Variants in PRKN observed in about 807,000 individuals in gnomAD.
PRKN encodes E3 ubiquitin-protein ligase parkin.
PRKN carries 56 observed loss-of-function variants against 59.5 expected under a neutral mutation model. The observed-to-expected ratio is 0.94, with a 90% CI of 0.76 to 1.18. PRKN has a LOEUF of 1.18. PRKN is among the 50% of genes most tolerant of loss of function. The pLI is 0.00. For synonymous variants in PRKN, 250 were observed against 222.1 expected, an observed-to-expected ratio of 1.13 and a Z score of -1.12; for missense variants, 657 against 596.4, an observed-to-expected ratio of 1.10 and a Z score of -1.06.
intron 9 of PRKN, among the ~76,000 whole-genome samples, chr6:161,404,705 T>C (rs1787186684): frequency 6.6e-6 from 1 of 152,228 alleles, no homozygotes; most frequent in Non-Finnish European, 1.5e-5. Context: ...ATGGTGTATA[T>C]CACTCCCTGC....
rs1184140724 is a variant in PRKN, at chr6:161,525,901, T to C, written c.1083+22953A>G. Among the ~76,000 whole-genome samples, 5 of 152,200 alleles carry C rather than the reference T, an allele frequency of 3.3e-5. No individual in the cohort carries two copies. Among genetic ancestry groups the C allele is most frequent in the Admixed American group, 1.3e-4 (2 of 15,268 alleles). On this transcript the variant is annotated intron_variant, in intron 9 of 11. Coordinates refer to ENST00000366898, the MANE Select transcript of PRKN (RefSeq NM_004562.3). This position sits in a 1 kb window ranked among gnomAD's most constrained non-coding sequence, Gnocchi z 4.7. The stretch of plus-strand genomic sequence containing the variant: ...CCAATAACTTAGATAATGTTATTAA[T>C]ATGGGTATCAAATATTTTAAATCTA...
intron 2 of PRKN, among the ~76,000 whole-genome samples, chr6:162,399,774 A>G (rs1787665323): frequency 6.6e-6 from 1 of 152,186 alleles, no homozygotes; most frequent in South Asian, 2.1e-4. Context: ...AGAGAAACTT[A>G]AGGAACAACT....
At position 161,569,307 on chromosome 6, in the gene PRKN, G is replaced by A. The variant is rs10945756; in HGVS notation, c.933+48C>T. 0.2 allele frequency: 306,582 copies of A among 1,543,984 alleles called. 33,146 individuals are homozygous for A. The highest frequency in any genetic ancestry group is 0.3 in the Middle Eastern group (1,801 of 5,926). On this transcript the variant is annotated intron_variant, in intron 8 of 11. Coordinates refer to ENST00000366898, the MANE Select transcript of PRKN (RefSeq NM_004562.3). ...GGGGAGCCCAAACTGTCTCATTAGCGTCTATCTTTCATGACAGTCTGATGC... is the reference window on the plus strand; with the variant it reads ...GGGGAGCCCAAACTGTCTCATTAGCATCTATCTTTCATGACAGTCTGATGC...
At chr6:161,773,147 A>G (rs1471247002) in intron 7 of PRKN, among the ~76,000 whole-genome samples, 1 of 152,194 alleles carries the variant, frequency 6.6e-6, no homozygotes, top group African/African-American at 2.4e-5. Context: ...ACATTGTGTG[A>G]TCCAGGTGGT....
chr6:162,410,332 T>C (rs1012879424), intron 2 of PRKN, among the ~76,000 whole-genome samples: 2 of 152,088 alleles, frequency 1.3e-5, no homozygotes, highest in Non-Finnish European at 2.9e-5. Flanking sequence ...CCCCATTGGA[T>C]AGTTTTCAAA....
At chr6:161,970,881 T>G (rs1780780482) in intron 6 of PRKN, among the ~76,000 whole-genome samples, 2 of 152,066 alleles carry the variant, frequency 1.3e-5, no homozygotes, top group Admixed American at 1.3e-4. Flanking sequence ...ATTTCTAAAT[T>G]TAAAAAGAAA....
chr6:161,761,977 G>T (rs758591541), intron 7 of PRKN, among the ~76,000 whole-genome samples: 4 of 152,206 alleles, frequency 2.6e-5, no homozygotes, highest in Admixed American at 2.6e-4. Context: ...GGTTGGTGGA[G>T]GACAGGACAT....
intron 6 of PRKN, among the ~76,000 whole-genome samples, chr6:161,940,183 A>C (rs1156417758): frequency 1.3e-5 from 2 of 152,194 alleles, no homozygotes; most frequent in East Asian, 3.8e-4. Flanking sequence ...GGCGTGAGCC[A>C]CCACACCTGG....
At chr6:161,434,822 T>C (rs1788806540) in intron 9 of PRKN, among the ~76,000 whole-genome samples, 1 of 152,166 alleles carries the variant, frequency 6.6e-6, no homozygotes, top group South Asian at 2.1e-4. Context: ...TTCAGTATCA[T>C]TTCTTTCTGT....
At position 161,551,549 on chromosome 6, in the gene PRKN, C is replaced by G. The variant is rs1321136816; in HGVS notation, c.934-2546G>C. Among the ~76,000 whole-genome samples, 2 of 152,156 alleles carry G rather than the reference C, an allele frequency of 1.3e-5. No homozygotes were observed. Among genetic ancestry groups the G allele is most frequent in the Non-Finnish European group, 2.9e-5 (2 of 68,032 alleles). On this transcript the variant is annotated intron_variant, in intron 8 of 11. Coordinates refer to ENST00000366898, the MANE Select transcript of PRKN (RefSeq NM_004562.3). The surrounding 1 kb of genome is among the most constrained non-coding windows in gnomAD (Gnocchi z 5.2). ...GCCAAGGGAACACATCTCAAGGAGG[C>G]TGCCATGATGAGCTGTGGTTGGAGC...
intron 2 of PRKN, among the ~76,000 whole-genome samples, chr6:162,402,086 C>T (rs1787824168): frequency 1.3e-5 from 2 of 151,696 alleles, no homozygotes; most frequent in Admixed American, 6.6e-5. Context: ...CCAGTCTCTA[C>T]CAAAAAACAA....
intron 1 of PRKN, among the ~76,000 whole-genome samples, chr6:162,608,410 G>A (rs1400494541): frequency 2.6e-5 from 4 of 152,150 alleles, no homozygotes; most frequent in Non-Finnish European, 1.5e-5. Context: ...GAAGATGGGA[G>A]GTCAAGGTGT....
intron 1 of PRKN, among the ~76,000 whole-genome samples, chr6:162,667,475 A>G (rs1355333342): frequency 1.3e-5 from 2 of 152,100 alleles, no homozygotes; most frequent in African/African-American, 4.8e-5. Context: ...TTTTTCTATC[A>G]CTTTGAAAGT....
In PRKN at chr6:161,561,716, C is replaced by A. The variant is rs533244220; in HGVS notation, c.933+7639G>T. Among the ~76,000 whole-genome samples, 5 of 152,252 alleles carry A rather than the reference C, an allele frequency of 3.3e-5. No homozygotes were observed. The East Asian group carries it at 9.7e-4, about 29-fold the overall frequency. ...TTCTTCAGTTCTTGGATCTCTCTCTCAAATTACCGGTAATTCATCTCTGTG... is the reference window on the plus strand; with the variant it reads ...TTCTTCAGTTCTTGGATCTCTCTCTAAAATTACCGGTAATTCATCTCTGTG... On this transcript the variant is annotated intron_variant, in intron 8 of 11. Transcript: ENST00000366898. This position sits in a 1 kb window ranked among gnomAD's most constrained non-coding sequence, Gnocchi z 5.0.
intron 1 of PRKN, among the ~76,000 whole-genome samples, chr6:162,529,603 T>C (rs1033016425): frequency 6.6e-6 from 1 of 152,112 alleles, no homozygotes; most frequent in African/African-American, 2.4e-5. Flanking sequence ...AAACATTTAA[T>C]AGGGACTTAC....
intron 6 of PRKN, among the ~76,000 whole-genome samples, chr6:161,877,887 C>T (rs1473740684): frequency 2.0e-5 from 3 of 152,046 alleles, no homozygotes; most frequent in African/African-American, 7.2e-5. Flanking sequence ...CCCTAAATTC[C>T]CCCGTGTAGA....
intron 9 of PRKN, among the ~76,000 whole-genome samples, chr6:161,476,101 G>A (rs530951169): frequency 0.23 from 34,108 of 150,354 alleles, 4,235 homozygotes; most frequent in African/African-American, 0.33. Flanking sequence ...GCCGGAGAAT[G>A]GTGTGGACCC....
intron 1 of PRKN, among the ~76,000 whole-genome samples, chr6:162,485,831 G>C (rs1210875516): frequency 6.6e-6 from 1 of 152,156 alleles, no homozygotes; most frequent in East Asian, 1.9e-4. Context: ...GACAGAAATG[G>C]AATCTCACCC....
chr6:162,688,311 G>A (rs1426217965), intron 1 of PRKN, among the ~76,000 whole-genome samples: 2 of 152,182 alleles, frequency 1.3e-5, no homozygotes, highest in African/African-American at 4.8e-5. Context: ...ATGGGAGGGT[G>A]CCTGAGGGAG....
Sources: gnomAD v4.1 joint callset for allele counts (sites outside exome capture counted in the v4.1 genomes callset) on GRCh38, gnomAD v4.1.1 for gene constraint, Gnocchi (gnomAD v3.1) non-coding constraint, MANE v1.5 for transcripts, NCBI Gene and HGNC (gene_info 2026-07-23, HGNC 2026-07-21) for gene names.